The following ST8SIA2 variants were observed in gnomAD, a reference collection of about 807,000 sequenced individuals.
ST8SIA2 encodes the protein ST8 alpha-N-acetyl-neuraminide alpha-2,8-sialyltransferase 2.
A neutral mutation model predicts 37.6 loss-of-function variants in ST8SIA2; 22 were observed. The observed-to-expected ratio is 0.58, with a 90% CI of 0.42 to 0.83. The LOEUF is 0.83. ST8SIA2 is among the 40% of genes least tolerant of loss of function. ST8SIA2 has a pLI of 0.00. For synonymous variants in ST8SIA2, 205 were observed against 201.2 expected, an observed-to-expected ratio of 1.02 and a Z score of -0.16; for missense variants, 382 against 484.7, an observed-to-expected ratio of 0.79 and a Z score of 1.99.
At chr15:92,424,665 G>C (rs924877259) in intron 1 of ST8SIA2, among the ~76,000 whole-genome samples, 4 of 150,638 alleles carry the variant, frequency 2.7e-5, no homozygotes, top group Non-Finnish European at 4.4e-5. Context: ...CCAGGCTGGA[G>C]TGCAGTGGCA....
chr15:92,438,606 A>T lies in ST8SIA2; in HGVS notation c.544A>T (p.Ile182Phe). 6.2e-7 allele frequency: 1 copy of T among 1,605,580 alleles called. No individual in the cohort carries two copies. Among genetic ancestry groups the T allele is most frequent in the Non-Finnish European group, 8.5e-7 (1 of 1,175,230 alleles). The change falls in exon 4 of 6, where the codon ATC (isoleucine) becomes TTC (phenylalanine). Residue 182 changes from isoleucine (I) to phenylalanine (F), a missense_variant. Transcript: ENST00000268164. Reference protein sequence around the residue: ...GQEIDAHSFVIRCNLAPVQEY... With the variant: ...GQEIDAHSFVFRCNLAPVQEY... ...GGAGATTGACGCCCACAGCTTCGTC[A>T]TCAGGTAACATGCCCCAGCAGGCAC...
At chr15:92,401,542 T>C (rs1265632144) in intron 1 of ST8SIA2, among the ~76,000 whole-genome samples, 5 of 152,200 alleles carry the variant, frequency 3.3e-5, no homozygotes, top group African/African-American at 1.2e-4. Flanking sequence ...CGACACGACA[T>C]GTGTCTGTAT....
chr15:92,430,720 C>T (rs938519798), intron 2 of ST8SIA2, among the ~76,000 whole-genome samples: 1 of 152,172 alleles, frequency 6.6e-6, no homozygotes, highest in Non-Finnish European at 1.5e-5. Flanking sequence ...TTCTGAGTCC[C>T]CATTCTCCAT....
chr15:92,438,752 A>C, intron 4 of ST8SIA2, 142 bp downstream of exon 4: 2 of 1,231,528 alleles, frequency 1.6e-6, no homozygotes, highest in Non-Finnish European at 2.2e-6. Flanking sequence ...TGCTCATCAG[A>C]ATCACTTGGG....
chr15:92,444,054 C>T (rs372766500), intron 4 of ST8SIA2, among the ~76,000 whole-genome samples: 1 of 152,162 alleles, frequency 6.6e-6, no homozygotes, highest in Non-Finnish European at 1.5e-5. Flanking sequence ...AGAGCGATGA[C>T]AACAGTTAGC....
At chr15:92,458,660 C>T (rs919415931) in intron 5 of ST8SIA2, among the ~76,000 whole-genome samples, 1 of 152,198 alleles carries the variant, frequency 6.6e-6, no homozygotes, top group African/African-American at 2.4e-5. Context: ...TCCCAGGAGC[C>T]CACAGATCAG....
intron 1 of ST8SIA2, among the ~76,000 whole-genome samples, chr15:92,428,933 G>A (rs1428215608): frequency 6.6e-6 from 1 of 152,180 alleles, no homozygotes; most frequent in Non-Finnish European, 1.5e-5. Flanking sequence ...ATATAAGCAT[G>A]CACACACATG....
intron 5 of ST8SIA2, among the ~76,000 whole-genome samples, chr15:92,458,244 C>G (rs549506923): frequency 1.3e-5 from 2 of 152,308 alleles, no homozygotes; most frequent in South Asian, 4.1e-4. Context: ...CTTAGGCTGA[C>G]ATCTTCTGAC....
chr15:92,425,843 G>A (rs1016993774), intron 1 of ST8SIA2, among the ~76,000 whole-genome samples: 2 of 152,132 alleles, frequency 1.3e-5, no homozygotes, highest in Non-Finnish European at 2.9e-5. Context: ...GGGGAATACT[G>A]GCCCCCAGTA....
intron 1 of ST8SIA2, among the ~76,000 whole-genome samples, chr15:92,423,742 A>G (rs1166923179): frequency 1.3e-5 from 2 of 152,262 alleles, no homozygotes; most frequent in African/African-American, 4.8e-5. Context: ...AACACCTGCC[A>G]TTAGGCCCCA....
At chr15:92,436,917 G>A (rs2049762942) in intron 3 of ST8SIA2, among the ~76,000 whole-genome samples, 1 of 152,172 alleles carries the variant, frequency 6.6e-6, no homozygotes, top group Admixed American at 6.5e-5. Flanking sequence ...TGAGAGCAAT[G>A]CTGAGAACTG....
At chr15:92,452,118 A>T (rs1456343732) in intron 5 of ST8SIA2, among the ~76,000 whole-genome samples, 1 of 152,186 alleles carries the variant, frequency 6.6e-6, no homozygotes, top group Non-Finnish European at 1.5e-5. Context: ...TTTTACTTGG[A>T]TAGGGGAACG....
At chr15:92,426,910 A>C (rs532420187) in intron 1 of ST8SIA2, among the ~76,000 whole-genome samples, 1 of 152,318 alleles carries the variant, frequency 6.6e-6, no homozygotes, top group South Asian at 2.1e-4. Context: ...CCTGGCCAAC[A>C]TGGTGAAACC....
At chr15:92,447,589 G>A (rs889069024) in intron 5 of ST8SIA2, among the ~76,000 whole-genome samples, 1 of 152,140 alleles carries the variant, frequency 6.6e-6, no homozygotes, top group Non-Finnish European at 1.5e-5. Flanking sequence ...GTGTGACCCT[G>A]GGAAGCCCTC....
intron 1 of ST8SIA2, among the ~76,000 whole-genome samples, chr15:92,395,162 G>T (rs140045156): frequency 6.6e-6 from 1 of 152,328 alleles, no homozygotes; most frequent in East Asian, 1.9e-4. Flanking sequence ...CCGGGGTTCT[G>T]AGGAGGCCCG....
intron 1 of ST8SIA2, among the ~76,000 whole-genome samples, chr15:92,427,986 A>AAAAC (rs373992980): frequency 4.6e-5 from 7 of 152,212 alleles, no homozygotes; most frequent in Non-Finnish European, 8.8e-5. Context: ...CGGTCTCAAA[A>AAAAC]AAACAAACAA....
intron 1 of ST8SIA2, among the ~76,000 whole-genome samples, chr15:92,410,757 A>T (rs1010412688): frequency 2.0e-5 from 3 of 152,140 alleles, no homozygotes; most frequent in African/African-American, 7.2e-5. Flanking sequence ...CAAAAATAAC[A>T]ATAGCGTGCT....
chr15:92,451,000 C>T (rs1356865364), intron 5 of ST8SIA2, among the ~76,000 whole-genome samples: 1 of 152,166 alleles, frequency 6.6e-6, no homozygotes, highest in African/African-American at 2.4e-5. Flanking sequence ...AAGTCAGCTA[C>T]CTTGACAAAG....
chr15:92,443,400 AT>A (rs2049817233), intron 4 of ST8SIA2, among the ~76,000 whole-genome samples: 1 of 152,216 alleles, frequency 6.6e-6, no homozygotes, highest in Non-Finnish European at 1.5e-5. Context: ...ATCAGGTTAA[AT>A]AGCAGAGGCT....
Sources: allele counts gnomAD v4.1 joint callset (sites outside exome capture counted in the v4.1 genomes callset), GRCh38; gene constraint gnomAD v4.1.1; transcripts MANE v1.5; gene names NCBI Gene and HGNC (gene_info 2026-07-23, HGNC 2026-07-21).